Variants in KCTD3 observed in about 807,000 individuals in gnomAD.
KCTD3 encodes BTB/POZ domain-containing protein KCTD3.
In KCTD3, 41 loss-of-function variants were observed where a neutral mutation model predicts 85.8. The ratio of observed to expected loss-of-function variants is 0.48; its 90% CI spans 0.37 to 0.62. The LOEUF (loss-of-function observed/expected upper bound fraction) is 0.62. KCTD3 is among the 20% of genes least tolerant of loss of function. The probability of loss-of-function intolerance (pLI) is 0.00; values close to 1 mark genes in which losing one functional copy is unlikely to be tolerated. For missense variants in KCTD3, 724 were observed against 989.9 expected, an observed-to-expected ratio of 0.73 and a Z score of 3.60; for synonymous variants, 338 against 345.4, an observed-to-expected ratio of 0.98 and a Z score of 0.24.
intron 9 of KCTD3, among the ~76,000 whole-genome samples, chr1:215,587,861 TG>T (rs1660070508): frequency 1.3e-5 from 2 of 152,232 alleles, no homozygotes; most frequent in South Asian, 4.1e-4. Context: ...TTATCATACA[TG>T]CTTTTATAAG....
intron 9 of KCTD3, 26 bp from the exon 10 acceptor site, chr1:215,595,330 C>A: frequency 7.1e-7 from 1 of 1,399,424 alleles, no homozygotes; most frequent in Non-Finnish European, 1.0e-6. Flanking sequence ...ACTGATTAAC[C>A]TTTTTATTTT....
At position 215,620,672 on chromosome 1, in the gene KCTD3, T is replaced by C. The variant is rs1655649091; in HGVS notation, c.*54T>C. 1.6e-6 allele frequency: 2 copies of C among 1,285,018 alleles called. No homozygotes were observed. The highest frequency in any genetic ancestry group is 4.7e-5 in the East Asian group (2 of 42,358). 79.6% of individuals were successfully genotyped at this position (1,285,018 alleles called of 1,614,324 possible). A position where few individuals can be genotyped will look rare whatever the true frequency, so the allele number is the denominator to read the frequency against. On this transcript the variant is annotated 3_prime_UTR_variant, in exon 18 of 18. Coordinates refer to ENST00000259154, the MANE Select transcript of KCTD3 (RefSeq NM_016121.5). ...TTACATTTAGATGAAAGTTAAACTT[T>C]ACTGAATTTCAGTACATTAGTTTTT...
chr1:215,612,240 C>A (rs115662814), intron 15 of KCTD3, among the ~76,000 whole-genome samples: 234 of 152,164 alleles, frequency 1.5e-3, no homozygotes, highest in African/African-American at 5.4e-3. Context: ...TTTAAAAAAC[C>A]TGGAACTTAA....
At chr1:215,588,119 CTTTG>C (rs1447435239) in intron 9 of KCTD3, among the ~76,000 whole-genome samples, 1 of 152,100 alleles carries the variant, frequency 6.6e-6, no homozygotes, top group Admixed American at 6.5e-5. Context: ...AACAGGCTTA[CTTTG>C]TTTATTTTTT....
At chr1:215,569,566 C>G (rs1659284951) in intron 1 of KCTD3, among the ~76,000 whole-genome samples, 1 of 150,232 alleles carries the variant, frequency 6.7e-6, no homozygotes, top group South Asian at 2.1e-4. Context: ...AGTTTTAACT[C>G]ATAAGGCAGT....
intron 14 of KCTD3, among the ~76,000 whole-genome samples, chr1:215,610,004 ATAT>A (rs1655167513): frequency 6.6e-6 from 1 of 151,992 alleles, no homozygotes; most frequent in African/African-American, 2.4e-5. Context: ...GAATAAAAAG[ATAT>A]TTATAAACAG....
intron 9 of KCTD3, among the ~76,000 whole-genome samples, chr1:215,590,721 T>G (rs556671952): frequency 4.6e-5 from 7 of 152,356 alleles, no homozygotes; most frequent in Admixed American, 4.6e-4. Flanking sequence ...CTGCTAAGAT[T>G]TCTTGTCTTT....
chr1:215,579,863 AC>A (rs1659747473), intron 7 of KCTD3, 45 bp from the exon 8 acceptor site: 3 of 1,414,148 alleles, frequency 2.1e-6, no homozygotes, highest in Non-Finnish European at 3.0e-6. Flanking sequence ...TAATTTGCCA[AC>A]CCCCGGTTTA....
chr1:215,577,492 A>G (rs888668343), intron 4 of KCTD3, among the ~76,000 whole-genome samples, 178 bp from the exon 5 acceptor site: 2 of 152,144 alleles, frequency 1.3e-5, no homozygotes, highest in Admixed American at 6.5e-5. Context: ...GTTCACATGC[A>G]GTTTTTATTT....
At chr1:215,614,081 G>A (rs1337823152) in intron 15 of KCTD3, among the ~76,000 whole-genome samples, 1 of 136,562 alleles carries the variant, frequency 7.3e-6, no homozygotes, top group Non-Finnish European at 1.5e-5. Flanking sequence ...CACCCAGGCT[G>A]GAGTGCAGTG....
At chr1:215,579,886 A>G in intron 7 of KCTD3, 23 bp from the exon 8 acceptor site, 1 of 1,563,882 alleles carries the variant, frequency 6.4e-7, no homozygotes, top group South Asian at 1.1e-5. Context: ...AATGTAAAAT[A>G]TTTCTTTTTC....
chr1:215,607,999 G>T lies in KCTD3; in HGVS notation c.1310-18G>T. 6.3e-7 allele frequency: 1 copy of T among 1,576,458 alleles called. No individual in the cohort carries two copies. The highest frequency in any genetic ancestry group is 8.6e-7 in the Non-Finnish European group (1 of 1,167,160). On this transcript the variant is annotated intron_variant, in intron 13 of 17. Transcript: ENST00000259154. ...TAAAAGTAATTTTGTATTCTTTTGT[G>T]TTCTCTTTCTCTGCTAGTCTGTGCA...
Position 215,620,381 on chromosome 1 carries a change from A to T in KCTD3, c.2211A>T (p.Glu737Asp), listed in dbSNP as rs750572725. Residue 737 changes from glutamate (E) to aspartate (D), a missense_variant, in exon 18 of 18, where the codon GAA (glutamate) becomes GAT (aspartate). By Grantham distance (45) the Glu-to-Asp change is conservative. Transcript: ENST00000259154. ...ATAAAATAGCTGAAGGTTTTTCAGA[A>T]TCCAAGAAAAGGTCATCAGAAGATG... ...EVHKIAEGFS[E>D]SKKRSSEDEN... 2 of 1,612,894 alleles carry T rather than the reference A, an allele frequency of 1.2e-6. No homozygotes were observed. Among genetic ancestry groups the T allele is most frequent in the East Asian group, 2.2e-5 (1 of 44,870 alleles).
Position 215,620,294 on chromosome 1 carries a change from G to C in KCTD3, c.2124G>C (p.Glu708Asp). The change falls in exon 18 of 18, where the codon GAG becomes GAC. Residue 708 changes from glutamate (E) to aspartate (D), a missense_variant. Glu to Asp is a conservative substitution (Grantham distance 45). Transcript: ENST00000259154. ...KGATGECNIS[E>D]RKSPGVEIKS... is the part of the protein sequence containing the mutation. ...CAACAGGGGAATGTAATATATCTGA[G>C]AGAAAGTCTCCTGGAGTAGAAATAA... 1 of 1,613,986 alleles carries C rather than the reference G, an allele frequency of 6.2e-7. No individual in the cohort carries two copies. The highest frequency in any genetic ancestry group is 8.5e-7 in the Non-Finnish European group (1 of 1,179,872).
intron 8 of KCTD3, among the ~76,000 whole-genome samples, chr1:215,584,452 A>C (rs1659938769): frequency 1.3e-5 from 2 of 152,212 alleles, no homozygotes; most frequent in Admixed American, 1.3e-4. Context: ...ATCCATAAAG[A>C]ATCTCAAATG....
rs192687460 is a variant in KCTD3 at position 215,592,373 on chromosome 1, T to G, written c.818-2983T>G. Among the ~76,000 whole-genome samples, 273 of 152,290 alleles carry G rather than the reference T, an allele frequency of 1.8e-3. 2 individuals are homozygous for G. Among genetic ancestry groups the G allele is most frequent in the Middle Eastern group, 0.017 (5 of 294 alleles). On this transcript the variant is annotated intron_variant, in intron 9 of 17. Transcript: ENST00000259154. ...TTCATATATTTTGTCCATTTTTTTT[T>G]TTGTTGTTACTGCTGTTTTAAAGTG...
intron 3 of KCTD3, 69 bp downstream of exon 3, chr1:215,574,187 T>C (rs1178446322): frequency 1.1e-5 from 10 of 892,196 alleles, no homozygotes; most frequent in Non-Finnish European, 1.8e-5. Context: ...AACATATAGT[T>C]ACTCTAAGAA....
intron 15 of KCTD3, among the ~76,000 whole-genome samples, chr1:215,613,502 A>G (rs1558245188): frequency 6.6e-6 from 1 of 152,154 alleles, no homozygotes; most frequent in Non-Finnish European, 1.5e-5. Context: ...TCTTTACTTT[A>G]ATAAGGTCCC....
At chr1:215,579,750 G>A (rs544801672) in intron 7 of KCTD3, among the ~76,000 whole-genome samples, 159 bp from the exon 8 acceptor site, 5 of 152,072 alleles carry the variant, frequency 3.3e-5, no homozygotes, top group East Asian at 3.9e-4. Context: ...CGCCCGCCTC[G>A]GCCTCCCAAA....
Sources: allele counts gnomAD v4.1 joint callset (sites outside exome capture counted in the v4.1 genomes callset), GRCh38; gene constraint gnomAD v4.1.1; transcripts MANE v1.5; gene names NCBI Gene and HGNC (gene_info 2026-07-23, HGNC 2026-07-21).